ERC2: variants seen among roughly 807,000 people sequenced by gnomAD.
The protein encoded by ERC2 is ELKS/RAB6-interacting/CAST family member 2.
ERC2 carries 42 observed loss-of-function variants against 114.8 expected under a neutral mutation model. That is an observed-to-expected ratio of 0.37 (90% CI 0.29 to 0.47). The LOEUF (loss-of-function observed/expected upper bound fraction) is 0.47, where lower values mean the gene tolerates loss of function less well. Ranked by LOEUF, ERC2 falls within the 20% of genes least tolerant of loss-of-function variation. ERC2 has a pLI of 0.99. For synonymous variants in ERC2, 454 were observed against 425.5 expected (o/e 1.07, Z -0.82); for missense variants, 939 against 1,150.7 (o/e 0.82, Z 2.66).
intron 14 of ERC2, among the ~76,000 whole-genome samples, chr3:55,860,870 C>T (rs971894694): frequency 6.6e-6 from 1 of 152,158 alleles, no homozygotes; most frequent in African/African-American, 2.4e-5. Flanking sequence ...GAAGAGAGAG[C>T]CTTCTGAGAA....
At chr3:55,622,348 C>T (rs748752683) in intron 17 of ERC2, among the ~76,000 whole-genome samples, 19 of 152,134 alleles carry the variant, frequency 1.2e-4, no homozygotes, top group African/African-American at 4.6e-4. Context: ...CTCAAGTAGA[C>T]AGTGACACAT....
In ERC2 at chr3:55,755,282, C is replaced by T. The variant is rs149250455; in HGVS notation, c.2565-20364G>A. On this transcript the variant is annotated intron_variant, in intron 14 of 17. Coordinates refer to ENST00000288221, the MANE Select transcript of ERC2 (RefSeq NM_015576.3). ...TAATCTTGCTTAAGTTACCAGCATT[C>T]ACGATGAGGAATGACCGAGAGGCAC... Among the ~76,000 whole-genome samples, 89 of 152,206 alleles carry T rather than the reference C, an allele frequency of 5.8e-4. No individual in the cohort carries two copies. The East Asian group carries it at 0.016, about 28-fold the overall frequency.
intron 3 of ERC2, among the ~76,000 whole-genome samples, chr3:56,210,283 C>A (rs2150120458): frequency 6.6e-6 from 1 of 152,136 alleles, no homozygotes; most frequent in East Asian, 1.9e-4. Flanking sequence ...TTGTTGAGCC[C>A]ATCTAATTGA....
rs548433358 is a variant in ERC2, at chr3:55,886,592, T to C, written c.2564+1797A>G. Reference sequence around the variant, plus strand: ...ATAAATGGACTTTCCACTTTGAATATTGCTGTTTCTTCAATTATTTAATAC... The same window carrying C: ...ATAAATGGACTTTCCACTTTGAATACTGCTGTTTCTTCAATTATTTAATAC... On this transcript the variant is annotated intron_variant, in intron 14 of 17. Coordinates refer to ENST00000288221, the MANE Select transcript of ERC2 (RefSeq NM_015576.3). 4.3e-4 allele frequency among the ~76,000 whole-genome samples: 65 copies of C among 152,342 alleles called. 2 individuals are homozygous for C. In the South Asian group the frequency reaches 8.9e-3, roughly 21 times the overall value.
intron 17 of ERC2, among the ~76,000 whole-genome samples, chr3:55,664,532 G>A (rs1193127625): frequency 6.6e-6 from 1 of 152,214 alleles, no homozygotes; most frequent in African/African-American, 2.4e-5. Context: ...GACGCCAGGC[G>A]GTGTTAATTG....
At chr3:56,207,676 T>C (rs914742997) in intron 3 of ERC2, among the ~76,000 whole-genome samples, 1 of 152,168 alleles carries the variant, frequency 6.6e-6, no homozygotes, top group African/African-American at 2.4e-5. Flanking sequence ...AAATAACTTT[T>C]ATGGTGTTAA....
chr3:56,188,178 G>A (rs1305911365), intron 3 of ERC2, among the ~76,000 whole-genome samples: 1 of 152,164 alleles, frequency 6.6e-6, no homozygotes, highest in Non-Finnish European at 1.5e-5. Flanking sequence ...ACCCTTCTGG[G>A]CATCATATTT....
intron 2 of ERC2, among the ~76,000 whole-genome samples, chr3:56,325,779 G>T (rs1260362540): frequency 2.6e-5 from 4 of 152,116 alleles, no homozygotes; most frequent in Non-Finnish European, 5.9e-5. Context: ...TATGAAGTGG[G>T]TATGATTACC....
At chr3:56,402,395 T>C (rs1367628656) in intron 2 of ERC2, among the ~76,000 whole-genome samples, 1 of 152,234 alleles carries the variant, frequency 6.6e-6, no homozygotes, top group African/African-American at 2.4e-5. Flanking sequence ...ATGGCACAGA[T>C]GGGCATGTCT....
intron 17 of ERC2, among the ~76,000 whole-genome samples, chr3:55,553,216 T>A (rs1431914922): frequency 6.6e-6 from 1 of 151,048 alleles, no homozygotes; most frequent in East Asian, 2.0e-4. Flanking sequence ...GAGACGGGGT[T>A]TCATCATATT....
In ERC2 at chr3:55,845,049, T is replaced by G. The variant is rs979453186; in HGVS notation, c.2564+43340A>C. On this transcript the variant is annotated intron_variant, in intron 14 of 17. Transcript: ENST00000288221. ...TCATGAGACACAATAGGGCTCACAC[T>G]CCTATGAGAATCTAATGCCACCACT... Among the ~76,000 whole-genome samples the G allele has an allele frequency of 1.2e-3, 179 of 152,176 alleles. 2 individuals carry two copies. Among genetic ancestry groups the G allele is most frequent in the East Asian group, 7.8e-4 (4 of 5,146 alleles).
intron 3 of ERC2, among the ~76,000 whole-genome samples, chr3:56,197,349 T>C (rs1258086812): frequency 6.6e-6 from 1 of 152,198 alleles, no homozygotes; most frequent in Non-Finnish European, 1.5e-5. Flanking sequence ...ATCACAGCTT[T>C]CTGAAACTAC....
At chr3:55,766,310 A>G (rs1451079196) in intron 14 of ERC2, among the ~76,000 whole-genome samples, 2 of 151,930 alleles carry the variant, frequency 1.3e-5, no homozygotes, top group Non-Finnish European at 2.9e-5. Context: ...ACCCAAACAA[A>G]ATAATAGGGG....
intron 12 of ERC2, among the ~76,000 whole-genome samples, chr3:55,958,211 C>T (rs1448882077): frequency 1.3e-5 from 2 of 152,122 alleles, no homozygotes; most frequent in Non-Finnish European, 2.9e-5. Context: ...CCTGGCTACT[C>T]GTGGCAGGTA....
chr3:55,703,499 G>A (rs546451307), intron 15 of ERC2, among the ~76,000 whole-genome samples: 5 of 152,344 alleles, frequency 3.3e-5, no homozygotes, highest in Admixed American at 3.3e-4. Context: ...ACCCCCCTGG[G>A]TCTCTGCCAT....
chr3:56,240,096 A>C (rs961996091), intron 3 of ERC2, among the ~76,000 whole-genome samples: 2 of 152,246 alleles, frequency 1.3e-5, no homozygotes, highest in Non-Finnish European at 2.9e-5. Context: ...AATAAAAATG[A>C]GATAAATTAG....
intron 7 of ERC2, among the ~76,000 whole-genome samples, chr3:56,033,022 A>AGAAAG (rs376606499): frequency 5.3e-5 from 4 of 75,750 alleles, no homozygotes; most frequent in South Asian, 4.7e-4. Context: ...AAAGAAAGAA[A>AGAAAG]AAAGAAACAG....
intron 7 of ERC2, among the ~76,000 whole-genome samples, chr3:56,040,651 T>TATGTATATATACATATATAGATGTAA (rs2075120884): frequency 7.0e-6 from 1 of 142,864 alleles, no homozygotes. Context: ...TATAGATGTA[T>TATGTATATATACATATATAGATGTAA]ATGTATATAT....
At chr3:56,204,182 C>G (rs1560367504) in intron 3 of ERC2, among the ~76,000 whole-genome samples, 5 of 152,174 alleles carry the variant, frequency 3.3e-5, no homozygotes, top group African/African-American at 1.2e-4. Context: ...GAAAGAGACT[C>G]TGTCTCAAAA....
Sources: allele counts gnomAD v4.1 joint callset (sites outside exome capture counted in the v4.1 genomes callset), GRCh38; gene constraint gnomAD v4.1.1; transcripts MANE v1.5; gene names NCBI Gene and HGNC (gene_info 2026-07-23, HGNC 2026-07-21).